The following MED12L variants were observed in gnomAD, a reference collection of about 807,000 sequenced individuals.
MED12L encodes mediator of RNA polymerase II transcription subunit 12-like protein.
In MED12L, 60 loss-of-function variants were observed where a neutral mutation model predicts 281.3. That is an observed-to-expected ratio of 0.21 (90% confidence interval 0.17 to 0.26). MED12L has a LOEUF of 0.26. Among genes scored for constraint, MED12L ranks in the 10% least tolerant of loss-of-function variants. The probability of loss-of-function intolerance (pLI) is 1.00; values close to 1 mark genes in which losing one functional copy is unlikely to be tolerated. For synonymous variants in MED12L, 974 were observed against 987.2 expected, an observed-to-expected ratio of 0.99 and a Z score of 0.25; for missense variants, 2,146 against 2,680.9, an observed-to-expected ratio of 0.80 and a Z score of 4.41.
intron 2 of MED12L, among the ~76,000 whole-genome samples, chr3:151,116,064 C>CG (rs1712745099): frequency 1.1e-5 from 1 of 92,268 alleles, no homozygotes; most frequent in Non-Finnish European, 2.1e-5. Context: ...ACTCCATCTC[C>CG]AAAAAAAAAA....
chr3:151,352,330 G>A (rs1279057225), intron 17 of MED12L, among the ~76,000 whole-genome samples: 2 of 152,136 alleles, frequency 1.3e-5, no homozygotes, highest in Non-Finnish European at 2.9e-5. Flanking sequence ...ACCTTTTTCA[G>A]TAAATAGAAA....
At chr3:151,253,273 G>A (rs367880009) in intron 16 of MED12L, among the ~76,000 whole-genome samples, 10 of 152,172 alleles carry the variant, frequency 6.6e-5, no homozygotes, top group African/African-American at 1.7e-4. Context: ...TGAGAGGCAC[G>A]TATACTGCAC....
intron 39 of MED12L, among the ~76,000 whole-genome samples, chr3:151,400,846 T>C (rs1314366312): frequency 2.6e-5 from 4 of 152,308 alleles, no homozygotes; most frequent in Non-Finnish European, 1.5e-5. Context: ...AGAAAAAATG[T>C]AATAATCACT....
At chr3:151,285,626 C>T (rs559074689) in intron 16 of MED12L, among the ~76,000 whole-genome samples, 21 of 152,020 alleles carry the variant, frequency 1.4e-4, no homozygotes, top group Admixed American at 1.2e-3. Context: ...CAAAAATCAC[C>T]GCTAAAGAAC....
At chr3:151,242,196 G>A (rs1304528303) in intron 16 of MED12L, among the ~76,000 whole-genome samples, 3 of 152,228 alleles carry the variant, frequency 2.0e-5, no homozygotes, top group Non-Finnish European at 2.9e-5. Context: ...ACGGCTGGGG[G>A]AGGGGCGCCC....
At chr3:151,363,286 A>G (rs1343719326) in intron 21 of MED12L, among the ~76,000 whole-genome samples, 1 of 152,204 alleles carries the variant, frequency 6.6e-6, no homozygotes. Flanking sequence ...AGATGAAGAA[A>G]AATGGGCAAA....
chr3:151,181,693 C>T (rs1722722771), intron 11 of MED12L, among the ~76,000 whole-genome samples: 1 of 145,492 alleles, frequency 6.9e-6, no homozygotes, highest in African/African-American at 2.5e-5. Flanking sequence ...TCAAATGATT[C>T]TCCTGCCTCA....
At position 151,434,010 on chromosome 3, in the gene MED12L, G is replaced by A. The variant is rs1719813737; in HGVS notation, c.*1206G>A. The A allele has an allele frequency of 6.6e-6, 1 of 152,604 alleles. No homozygotes were observed. The highest frequency in any genetic ancestry group is 2.4e-5 in the African/African-American group (1 of 41,454). 9.5% of individuals were successfully genotyped at this position (152,604 alleles called of 1,614,324 possible). A position where few individuals can be genotyped will look rare whatever the true frequency, so the allele number is the denominator to read the frequency against. ...AAAGAAACCAGTAAATTATCAGTTT[G>A]TGTAACTTAAGAGTATTCTATATAA... On this transcript the variant is annotated 3_prime_UTR_variant, in exon 45 of 45. Coordinates refer to ENST00000687756, the MANE Select transcript of MED12L (RefSeq NM_001393769.1).
intron 16 of MED12L, among the ~76,000 whole-genome samples, chr3:151,241,496 C>G (rs1229331802): frequency 3.9e-5 from 6 of 152,130 alleles, no homozygotes; most frequent in Non-Finnish European, 8.8e-5. Context: ...GAAGCATCTT[C>G]CCCTATAATG....
intron 5 of MED12L, among the ~76,000 whole-genome samples, chr3:151,145,907 C>T (rs1717692838): frequency 6.6e-6 from 1 of 152,186 alleles, no homozygotes; most frequent in African/African-American, 2.4e-5. Flanking sequence ...CCTCTTTGTT[C>T]CCTGCTGCAG....
intron 16 of MED12L, among the ~76,000 whole-genome samples, chr3:151,257,034 C>G (rs1330156076): frequency 6.6e-6 from 1 of 152,028 alleles, no homozygotes; most frequent in Non-Finnish European, 1.5e-5. Context: ...TTGAAAACAA[C>G]AGAAAAGCAG....
At chr3:151,385,324 A>G in intron 36 of MED12L, 133 bp downstream of exon 36, 1 of 545,280 alleles carries the variant, frequency 1.8e-6, no homozygotes, top group Non-Finnish European at 3.1e-6. Flanking sequence ...CTTGTCTTCT[A>G]AGTGTACTTA....
At chr3:151,334,481 G>A (rs1172397094) in intron 16 of MED12L, among the ~76,000 whole-genome samples, 1 of 151,580 alleles carries the variant, frequency 6.6e-6, no homozygotes, top group Non-Finnish European at 1.5e-5. Context: ...TGGTCCAGGG[G>A]GAAGCAGTCT....
At chr3:151,200,267 T>C (rs1407496336) in intron 16 of MED12L, among the ~76,000 whole-genome samples, 2 of 152,174 alleles carry the variant, frequency 1.3e-5, no homozygotes. Context: ...GTTAAACTGA[T>C]AGGGCTCCCT....
At chr3:151,296,550 A>G (rs1175111477) in intron 16 of MED12L, among the ~76,000 whole-genome samples, 1 of 151,710 alleles carries the variant, frequency 6.6e-6, no homozygotes, top group Non-Finnish European at 1.5e-5. Context: ...CTTTTCTTTG[A>G]ACTTTCTTCA....
chr3:151,377,270 A>G, intron 30 of MED12L, 92 bp downstream of exon 30: 1 of 966,480 alleles, frequency 1.0e-6, no homozygotes, highest in Non-Finnish European at 1.5e-6. Flanking sequence ...TTTAAGTCAT[A>G]GGAATGTGAA....
In MED12L at chr3:151,141,125, C is replaced by A. The variant is rs572122437; in HGVS notation, c.556+13141C>A. Among the ~76,000 whole-genome samples the A allele has an allele frequency of 1.7e-3, 257 of 150,792 alleles. 2 individuals are homozygous for A. The highest frequency in any genetic ancestry group is 6.2e-3 in the African/African-American group (252 of 40,532). ...CTTGTGATCCACCTGCCTTGGCCTC[C>A]CACAGTGCTGGGATTACAGGCGTGA... On this transcript the variant is annotated intron_variant, in intron 5 of 44. Coordinates refer to ENST00000687756, the MANE Select transcript of MED12L (RefSeq NM_001393769.1).
intron 43 of MED12L, among the ~76,000 whole-genome samples, 199 bp downstream of exon 43, chr3:151,416,621 A>G (rs1298971675): frequency 6.6e-6 from 1 of 152,174 alleles, no homozygotes; most frequent in Non-Finnish European, 1.5e-5. Flanking sequence ...AATATTTGGG[A>G]TTCAGTAGGT....
intron 16 of MED12L, chr3:151,328,617 T>G (rs762386275): frequency 6.2e-7 from 1 of 1,613,824 alleles, no homozygotes; most frequent in Non-Finnish European, 8.5e-7. Context: ...CTCAAAGGTC[T>G]GATGATCTTG....
Sources: allele counts gnomAD v4.1 joint callset (sites outside exome capture counted in the v4.1 genomes callset), GRCh38; gene constraint gnomAD v4.1.1; transcripts MANE v1.5; gene names NCBI Gene and HGNC (gene_info 2026-07-23, HGNC 2026-07-21).